Variants in LHFPL2 observed in about 807,000 individuals in gnomAD.
LHFPL2 encodes LHFPL tetraspan subfamily member 2 protein.
LHFPL2 carries 7 observed loss-of-function variants against 17.5 expected under a neutral mutation model. The observed-to-expected ratio is 0.40, with a 90% CI of 0.23 to 0.75. The LOEUF (loss-of-function observed/expected upper bound fraction) is 0.75. LHFPL2 is among the 30% of genes least tolerant of loss of function. The probability of loss-of-function intolerance (pLI) is 0.37; values close to 1 mark genes in which losing one functional copy is unlikely to be tolerated. For synonymous variants in LHFPL2, 134 were observed against 116.2 expected, an observed-to-expected ratio of 1.15 and a Z score of -0.99; for missense variants, 241 against 294.8, an observed-to-expected ratio of 0.82 and a Z score of 1.34.
chr5:78,562,379 T>C (rs1433374137), intron 3 of LHFPL2, among the ~76,000 whole-genome samples: 1 of 152,096 alleles, frequency 6.6e-6, no homozygotes, highest in African/African-American at 2.4e-5. Context: ...ACTGTGCTCT[T>C]TGCTCAAAAC....
intron 4 of LHFPL2, among the ~76,000 whole-genome samples, chr5:78,508,542 G>A (rs1156421174): frequency 6.6e-6 from 1 of 152,194 alleles, no homozygotes; most frequent in Admixed American, 6.5e-5. Context: ...CTGAGGAACA[G>A]TAAACTTTAT....
intron 3 of LHFPL2, among the ~76,000 whole-genome samples, chr5:78,523,647 T>C (rs1755529547): frequency 6.6e-6 from 1 of 152,176 alleles, no homozygotes; most frequent in Admixed American, 6.5e-5. Context: ...CAGGGGCCAG[T>C]GGACGTCATT....
intron 2 of LHFPL2, among the ~76,000 whole-genome samples, chr5:78,575,869 G>A (rs1428680698): frequency 6.6e-6 from 1 of 152,170 alleles, no homozygotes; most frequent in African/African-American, 2.4e-5. Flanking sequence ...AGTCGCAGAG[G>A]TCATTTAATC....
intron 2 of LHFPL2, among the ~76,000 whole-genome samples, chr5:78,569,820 A>C (rs1756950342): frequency 6.6e-6 from 1 of 152,228 alleles, no homozygotes; most frequent in African/African-American, 2.4e-5. Context: ...AACGTTGCTA[A>C]TCAGGAAAAA....
In LHFPL2 at chr5:78,592,149, A is replaced by G. The variant is rs143795522; in HGVS notation, c.-244-27278T>C. 3.4e-3 allele frequency among the ~76,000 whole-genome samples: 519 copies of G among 152,358 alleles called. 4 individuals carry two copies. Among genetic ancestry groups the G allele is most frequent in the African/African-American group, 0.012 (503 of 41,588 alleles). ...TAACAAGCAACATGGACCTACAATG[A>G]GGGGTCAAAGAGAAGTCAAATGCGT... On this transcript the variant is annotated intron_variant, in intron 2 of 4. Coordinates refer to ENST00000380345, the MANE Select transcript of LHFPL2 (RefSeq NM_005779.3).
chr5:78,634,826 T>C (rs1048784093), intron 1 of LHFPL2, among the ~76,000 whole-genome samples: 2 of 152,222 alleles, frequency 1.3e-5, no homozygotes, highest in African/African-American at 2.4e-5. Context: ...CAGGCTGTGT[T>C]CCCATCTTTC....
At chr5:78,497,366 C>T (rs576335010) in intron 4 of LHFPL2, among the ~76,000 whole-genome samples, 1 of 152,198 alleles carries the variant, frequency 6.6e-6, no homozygotes, top group Non-Finnish European at 1.5e-5. Flanking sequence ...CAGCATACCC[C>T]GGCCTCTCTC....
intron 2 of LHFPL2, among the ~76,000 whole-genome samples, chr5:78,597,194 A>G (rs1053440332): frequency 6.6e-6 from 1 of 152,170 alleles, no homozygotes; most frequent in African/African-American, 2.4e-5. Context: ...AGAGAGCAGC[A>G]GTCTAATCCC....
In LHFPL2 at chr5:78,582,592, G is replaced by A. The variant is rs554489576; in HGVS notation, c.-244-17721C>T. ...TTGTTCAGTTTCCATGTAGTTGAGC[G>A]GTTTTGAGTGAGATTCTTAATCCTG... On this transcript the variant is annotated intron_variant, in intron 2 of 4. Transcript: ENST00000380345. Among the ~76,000 whole-genome samples the A allele has an allele frequency of 7.7e-4, 117 of 151,544 alleles. 1 individual carries two copies. In the South Asian group the frequency reaches 9.9e-3, roughly 13 times the overall value.
At chr5:78,499,744 T>C (rs1179252880) in intron 4 of LHFPL2, among the ~76,000 whole-genome samples, 1 of 152,184 alleles carries the variant, frequency 6.6e-6, no homozygotes, top group East Asian at 1.9e-4. Flanking sequence ...AGGTAGCCTA[T>C]TGTCAAGCAG....
At chr5:78,496,696 T>C (rs1254721177) in intron 4 of LHFPL2, among the ~76,000 whole-genome samples, 3 of 152,206 alleles carry the variant, frequency 2.0e-5, no homozygotes, top group East Asian at 1.9e-4. Context: ...CACAAAGTAC[T>C]GATGGTACTA....
rs1367911990 is a variant in LHFPL2, at chr5:78,503,010, A to C, written c.430+6774T>G. Among the ~76,000 whole-genome samples, 4 of 150,186 alleles carry C rather than the reference A, an allele frequency of 2.7e-5. No individual in the cohort carries two copies. The East Asian group carries it at 7.9e-4, about 30-fold the overall frequency. ...AATGGTGGCTGTCTTTAAAAGAAAA[A>C]AGTTGCTGGCCATTTAATAAAGCTA... On this transcript the variant is annotated intron_variant, in intron 4 of 4. Coordinates refer to ENST00000380345, the MANE Select transcript of LHFPL2 (RefSeq NM_005779.3).
chr5:78,517,585 C>G (rs1204998186), intron 3 of LHFPL2, among the ~76,000 whole-genome samples: 2 of 152,172 alleles, frequency 1.3e-5, no homozygotes, highest in African/African-American at 4.8e-5. Context: ...AGCAAAGGTA[C>G]ACCTTACATG....
At chr5:78,575,071 G>GGA (rs2112431891) in intron 2 of LHFPL2, among the ~76,000 whole-genome samples, 1 of 152,318 alleles carries the variant, frequency 6.6e-6, no homozygotes, top group East Asian at 1.9e-4. Flanking sequence ...CTAATCCTGT[G>GGA]TTCTTGCCAG....
At chr5:78,626,065 A>T (rs1449835436) in intron 2 of LHFPL2, 1 of 152,270 alleles carries the variant, frequency 6.6e-6, no homozygotes, top group Non-Finnish European at 1.5e-5. Flanking sequence ...ACACATTTTC[A>T]TCCCAGAGTT....
intron 1 of LHFPL2, among the ~76,000 whole-genome samples, chr5:78,638,925 C>T (rs1745562728): frequency 6.6e-6 from 1 of 152,114 alleles, no homozygotes; most frequent in South Asian, 2.1e-4. Context: ...TATACACATC[C>T]CAAACTAGAG....
chr5:78,635,446 C>T (rs1381617677), intron 1 of LHFPL2, among the ~76,000 whole-genome samples: 2 of 152,178 alleles, frequency 1.3e-5, no homozygotes, highest in African/African-American at 4.8e-5. Flanking sequence ...TAAGCAGGTA[C>T]AGAAAATGGA....
chr5:78,506,855 A>G (rs1754946243), intron 4 of LHFPL2, among the ~76,000 whole-genome samples: 1 of 152,200 alleles, frequency 6.6e-6, no homozygotes, highest in African/African-American at 2.4e-5. Context: ...CCTTGTGCCA[A>G]TTTAAAATTC....
At chr5:78,513,176 A>G (rs1440315890) in intron 3 of LHFPL2, among the ~76,000 whole-genome samples, 1 of 152,200 alleles carries the variant, frequency 6.6e-6, no homozygotes, top group Non-Finnish European at 1.5e-5. Flanking sequence ...CTGGCCAGCA[A>G]GCTCTACTCA....
Sources: gnomAD v4.1 joint callset for allele counts (sites outside exome capture counted in the v4.1 genomes callset) on GRCh38, gnomAD v4.1.1 for gene constraint, MANE v1.5 for transcripts, NCBI Gene and HGNC (gene_info 2026-07-23, HGNC 2026-07-21) for gene names.